The following MAPK4 variants were observed in gnomAD, a reference collection of about 807,000 sequenced individuals.
The protein encoded by MAPK4 is Erk3-related.
MAPK4 carries 22 observed loss-of-function variants against 47.7 expected under a neutral mutation model. That is an observed-to-expected ratio of 0.46 (90% CI 0.33 to 0.66). MAPK4 has a LOEUF of 0.66. Among genes scored for constraint, MAPK4 ranks in the 30% least tolerant of loss-of-function variants. The pLI is 0.02. For missense variants in MAPK4, 736 were observed against 831.7 expected (o/e 0.88, Z 1.42); for synonymous variants, 390 against 365.7 (o/e 1.07, Z -0.76).
chr18:50,673,511 A>G (rs1465262384), intron 2 of MAPK4, among the ~76,000 whole-genome samples: 1 of 152,200 alleles, frequency 6.6e-6, no homozygotes, highest in East Asian at 1.9e-4. Context: ...TTGTTTACCT[A>G]GAAAGTATAT....
chr18:50,625,485 G>A (rs1409318833), intron 1 of MAPK4, among the ~76,000 whole-genome samples: 1 of 152,144 alleles, frequency 6.6e-6, no homozygotes, highest in Non-Finnish European at 1.5e-5. Flanking sequence ...CATTCCGTGA[G>A]CAAATGTGTA....
In MAPK4 at chr18:50,664,648, A is replaced by C. The variant is rs182428199; in HGVS notation, c.546+144A>C. The C allele has an allele frequency of 1.5e-5, 14 of 920,782 alleles. No individual in the cohort carries two copies. The Admixed American group carries it at 3.5e-4, about 23-fold the overall frequency. The allele number at this position is 920,782 out of a possible 1,614,324, so 57.0% of individuals were successfully genotyped here. On this transcript the variant is annotated intron_variant, in intron 2 of 5. Transcript: ENST00000400384. The surrounding 1 kb of genome is among the most constrained non-coding windows in gnomAD (Gnocchi z 6.0). ...GAGGCTGGAGGGTGCTAGGAAGATC[A>C]CTAGCCTGAAAAGTTGTTGGAGGCG...
chr18:50,635,543 C>A (rs575079580), intron 1 of MAPK4, among the ~76,000 whole-genome samples: 46 of 152,188 alleles, frequency 3.0e-4, no homozygotes, highest in Non-Finnish European at 2.2e-4. Flanking sequence ...ATTCTCCACA[C>A]TGTAGTCAGA....
chr18:50,602,215 G>A (rs1325925997), intron 1 of MAPK4, among the ~76,000 whole-genome samples: 2 of 152,154 alleles, frequency 1.3e-5, no homozygotes, highest in Non-Finnish European at 2.9e-5. Flanking sequence ...TACATCGTAG[G>A]TCCCAATAAA....
chr18:50,628,428 C>T (rs1481495359), intron 1 of MAPK4, among the ~76,000 whole-genome samples: 1 of 152,176 alleles, frequency 6.6e-6, no homozygotes, highest in Non-Finnish European at 1.5e-5. Flanking sequence ...TGGAAGTTTC[C>T]ATGGGACTTG....
chr18:50,656,380 C>T (rs2144226234), intron 1 of MAPK4, among the ~76,000 whole-genome samples: 1 of 152,290 alleles, frequency 6.6e-6, no homozygotes, highest in Non-Finnish European at 1.5e-5. Context: ...ACACGGTGGC[C>T]AGCAGGTCCA....
In MAPK4 at chr18:50,634,477, C is replaced by A. The variant is rs571562835; in HGVS notation, c.-870-28612C>A. Reference sequence around the variant, plus strand: ...AGTAGTCTCTTACTTCTCTGAAATCCCTTGGCGTTTATTTTGTTCCTTGAT... The same window carrying A: ...AGTAGTCTCTTACTTCTCTGAAATCACTTGGCGTTTATTTTGTTCCTTGAT... On this transcript the variant is annotated intron_variant, in intron 1 of 5. Coordinates refer to ENST00000400384, the MANE Select transcript of MAPK4 (RefSeq NM_002747.4). Among the ~76,000 whole-genome samples the A allele has an allele frequency of 2.6e-5, 4 of 152,198 alleles. No homozygotes were observed. The East Asian group carries it at 7.7e-4, about 29-fold the overall frequency.
intron 1 of MAPK4, among the ~76,000 whole-genome samples, chr18:50,580,127 C>T (rs2042330859): frequency 6.6e-6 from 1 of 152,224 alleles, no homozygotes; most frequent in Non-Finnish European, 1.5e-5. Flanking sequence ...CCTCCCCTGT[C>T]ATCCCCCTTC....
intron 1 of MAPK4, among the ~76,000 whole-genome samples, chr18:50,644,514 C>T (rs2042969870): frequency 6.6e-6 from 1 of 152,152 alleles, no homozygotes; most frequent in Non-Finnish European, 1.5e-5. Context: ...ACCCACTGCT[C>T]CAAAGGGCTC....
At chr18:50,675,476 C>A (rs918736667) in intron 2 of MAPK4, among the ~76,000 whole-genome samples, 3 of 151,926 alleles carry the variant, frequency 2.0e-5, no homozygotes, top group Admixed American at 6.6e-5. Flanking sequence ...GCCACCAGGC[C>A]CAGCTAATTT....
In MAPK4 at chr18:50,718,228, T is replaced by G. The variant is rs1910739034; in HGVS notation, c.691+3005T>G. Among the ~76,000 whole-genome samples, 3 of 152,154 alleles carry G rather than the reference T, an allele frequency of 2.0e-5. No homozygotes were observed. In the South Asian group the frequency reaches 6.2e-4, roughly 32 times the overall value. On this transcript the variant is annotated intron_variant, in intron 3 of 5. Transcript: ENST00000400384. The stretch of plus-strand genomic sequence containing the variant: ...TGAATAGCTAAGAAAGTCTTTATTG[T>G]GTTTTGTTTTTGAGACAGTCTCGTG...
intron 2 of MAPK4, among the ~76,000 whole-genome samples, chr18:50,691,585 A>G (rs747883203): frequency 6.6e-6 from 1 of 152,232 alleles, no homozygotes; most frequent in African/African-American, 2.4e-5. Context: ...CAGTTCCTAC[A>G]CACATATATG....
chr18:50,680,727 G>A (rs562504001), intron 2 of MAPK4, among the ~76,000 whole-genome samples: 1 of 152,258 alleles, frequency 6.6e-6, no homozygotes, highest in South Asian at 2.1e-4. Context: ...ATGTTTTCAA[G>A]GTTTATCCAT....
chr18:50,620,186 C>G (rs1423497061), intron 1 of MAPK4, among the ~76,000 whole-genome samples: 1 of 152,202 alleles, frequency 6.6e-6, no homozygotes, highest in Non-Finnish European at 1.5e-5. Flanking sequence ...GATCCTTTCT[C>G]CCTTCAAAAG....
At chr18:50,647,658 AT>A (rs1217025623) in intron 1 of MAPK4, among the ~76,000 whole-genome samples, 1 of 151,874 alleles carries the variant, frequency 6.6e-6, no homozygotes, top group East Asian at 1.9e-4. Context: ...TCACACCCCT[AT>A]TTAGTTTATT....
At chr18:50,631,526 C>T (rs2042829877) in intron 1 of MAPK4, among the ~76,000 whole-genome samples, 1 of 152,178 alleles carries the variant, frequency 6.6e-6, no homozygotes, top group Admixed American at 6.5e-5. Context: ...GTCAACTTAG[C>T]GTCTCCTAAG....
chr18:50,570,271 A>T (rs1374815056), intron 1 of MAPK4, among the ~76,000 whole-genome samples: 2 of 152,238 alleles, frequency 1.3e-5, no homozygotes, highest in Non-Finnish European at 1.5e-5. Flanking sequence ...ACATAGCCAC[A>T]TGTAGATATA....
chr18:50,729,081 G>A, intron 5 of MAPK4, 77 bp from the exon 6 acceptor site: 1 of 1,276,134 alleles, frequency 7.8e-7, no homozygotes, highest in East Asian at 2.4e-5. Flanking sequence ...TGGCAAACAG[G>A]GATTAGAGGG....
At position 50,726,149 on chromosome 18, in the gene MAPK4, G is replaced by A. The variant is rs760817130; in HGVS notation, c.1041G>A (p.Leu347=). 2 of 1,614,082 alleles carry A rather than the reference G, an allele frequency of 1.2e-6. No homozygotes were observed. The highest frequency in any genetic ancestry group is 1.7e-6 in the Non-Finnish European group (2 of 1,180,028). ...IVLMAANQSQ[L]SNWDTCSSRY... ...TGATGGCCGCTAACCAGAGCCAGCT[G>A]TCCAACTGGGACACGTGCAGTTCCA... The change falls in exon 5 of 6, where the codon CTG becomes CTA. Residue 347 remains leucine (L), a synonymous_variant. Coordinates refer to ENST00000400384, the MANE Select transcript of MAPK4 (RefSeq NM_002747.4).
Sources: gnomAD v4.1 joint callset for allele counts (sites outside exome capture counted in the v4.1 genomes callset) on GRCh38, gnomAD v4.1.1 for gene constraint, Gnocchi (gnomAD v3.1) non-coding constraint, MANE v1.5 for transcripts, NCBI Gene and HGNC (gene_info 2026-07-23, HGNC 2026-07-21) for gene names.